Variants in LHFPL3 observed in about 807,000 individuals in gnomAD.
The protein encoded by LHFPL3 is LHFPL tetraspan subfamily member 3 protein.
Under a neutral mutation model 19.3 loss-of-function variants are expected in LHFPL3, and 5 were observed. That is an observed-to-expected ratio of 0.26 (90% CI 0.14 to 0.54). The LOEUF (loss-of-function observed/expected upper bound fraction) is 0.54, where lower values mean the gene tolerates loss of function less well. Ranked by LOEUF, LHFPL3 falls within the 20% of genes least tolerant of loss-of-function variation. LHFPL3 has a pLI of 0.94. For synonymous variants in LHFPL3, 133 were observed against 126.2 expected (o/e 1.05, Z -0.36); for missense variants, 249 against 307.4 (o/e 0.81, Z 1.42).
chr7:104,483,828 G>A (rs1033476047), intron 1 of LHFPL3, among the ~76,000 whole-genome samples: 6 of 152,010 alleles, frequency 3.9e-5, no homozygotes, highest in Non-Finnish European at 5.9e-5. Flanking sequence ...GTCTCACTAT[G>A]TTACTCAGGC....
At chr7:104,860,394 T>C (rs1359423904) in intron 2 of LHFPL3, among the ~76,000 whole-genome samples, 6 of 152,200 alleles carry the variant, frequency 3.9e-5, no homozygotes, top group Non-Finnish European at 7.3e-5. Context: ...GCTGAGTCTC[T>C]GTTTATCAAA....
intron 1 of LHFPL3, among the ~76,000 whole-genome samples, chr7:104,625,451 C>G (rs1490594136): frequency 6.6e-6 from 1 of 152,136 alleles, no homozygotes; most frequent in Non-Finnish European, 1.5e-5. Flanking sequence ...TGGGCACAAG[C>G]CCAGCAGCAG....
chr7:104,600,667 A>G (rs1283409970), intron 1 of LHFPL3, among the ~76,000 whole-genome samples: 1 of 152,230 alleles, frequency 6.6e-6, no homozygotes, highest in East Asian at 1.9e-4. Context: ...AGACAGAGTT[A>G]GTCACTGAGG....
chr7:104,614,653 C>CTTCCCTCCTTCCTTCCTTCCT (rs1554415305), intron 1 of LHFPL3, among the ~76,000 whole-genome samples: 1 of 51,436 alleles, frequency 1.9e-5, no homozygotes, highest in African/African-American at 6.0e-5. Context: ...CTTCTCTTCT[C>CTTCCCTCCTTCCTTCCTTCCT]TCCTTCCTTC....
chr7:104,871,616 TAACACTTAGTGTAA>T (rs1409684346), intron 2 of LHFPL3, among the ~76,000 whole-genome samples: 3 of 152,214 alleles, frequency 2.0e-5, no homozygotes, highest in Non-Finnish European at 2.9e-5. Context: ...TCTTTTAGAA[TAACACTTAGTGTAA>T]AACACACACA....
intron 2 of LHFPL3, among the ~76,000 whole-genome samples, chr7:104,829,576 T>C (rs539757478): frequency 6.6e-5 from 10 of 151,292 alleles, no homozygotes; most frequent in South Asian, 6.3e-4. Flanking sequence ...TGAGAACATG[T>C]GGTGTTTGGT....
At chr7:104,642,224 G>A (rs927237247) in intron 1 of LHFPL3, among the ~76,000 whole-genome samples, 1 of 151,870 alleles carries the variant, frequency 6.6e-6, no homozygotes, top group Admixed American at 6.6e-5. Flanking sequence ...TTTTAGTAGA[G>A]ACAGGGTTTC....
chr7:104,490,876 T>C (rs1033483343), intron 1 of LHFPL3, among the ~76,000 whole-genome samples: 5 of 152,192 alleles, frequency 3.3e-5, no homozygotes, highest in African/African-American at 1.2e-4. Context: ...ACCTCTTTTT[T>C]TCGTAAAGCC....
intron 2 of LHFPL3, among the ~76,000 whole-genome samples, chr7:104,878,098 G>T (rs1791983098): frequency 6.6e-6 from 1 of 152,096 alleles, no homozygotes; most frequent in African/African-American, 2.4e-5. Flanking sequence ...GCCTCCCAAA[G>T]TGCTAGGATT....
chr7:104,867,968 C>A (rs574608814), intron 2 of LHFPL3, among the ~76,000 whole-genome samples: 3 of 151,990 alleles, frequency 2.0e-5, no homozygotes, highest in Non-Finnish European at 2.9e-5. Flanking sequence ...ACAGAACCAA[C>A]GACAAAAACC....
At chr7:104,769,853 T>TA (rs66697752) in intron 2 of LHFPL3, among the ~76,000 whole-genome samples, 1 of 151,898 alleles carries the variant, frequency 6.6e-6, no homozygotes, top group African/African-American at 2.4e-5. Context: ...TATGCAGCCA[T>TA]AAAAAAAGGA....
intron 1 of LHFPL3, among the ~76,000 whole-genome samples, chr7:104,446,094 G>T (rs1792325665): frequency 6.6e-6 from 1 of 152,082 alleles, no homozygotes; most frequent in Non-Finnish European, 1.5e-5. Flanking sequence ...TTCTAGGTCA[G>T]TTTCTATGAA....
chr7:104,551,520 C>A (rs1562931959), intron 1 of LHFPL3, among the ~76,000 whole-genome samples: 1 of 152,060 alleles, frequency 6.6e-6, no homozygotes, highest in Non-Finnish European at 1.5e-5. Flanking sequence ...CTTCTGTGGA[C>A]TGACTTTGAG....
At chr7:104,500,128 A>C (rs1187688951) in intron 1 of LHFPL3, among the ~76,000 whole-genome samples, 4 of 152,192 alleles carry the variant, frequency 2.6e-5, no homozygotes, top group Non-Finnish European at 5.9e-5. Context: ...GTAGATATTG[A>C]AGCCTCAGAG....
At chr7:104,365,125 C>A (rs776187151) in intron 1 of LHFPL3, among the ~76,000 whole-genome samples, 26 of 152,136 alleles carry the variant, frequency 1.7e-4, no homozygotes, top group Middle Eastern at 3.4e-3. Flanking sequence ...CATGGAGAAA[C>A]CTTGTCTCTA....
chr7:104,434,484 C>A (rs1792063092), intron 1 of LHFPL3, among the ~76,000 whole-genome samples: 1 of 152,206 alleles, frequency 6.6e-6, no homozygotes, highest in South Asian at 2.1e-4. Context: ...AGAATCACTT[C>A]ATGATTAATG....
intron 1 of LHFPL3, among the ~76,000 whole-genome samples, chr7:104,351,242 A>G (rs1256493515): frequency 1.3e-5 from 2 of 152,156 alleles, no homozygotes; most frequent in African/African-American, 4.8e-5. Flanking sequence ...CTTCTCTTCC[A>G]GATCATCATA....
At chr7:104,335,566 C>G (rs1373814532) in intron 1 of LHFPL3, among the ~76,000 whole-genome samples, 2 of 152,048 alleles carry the variant, frequency 1.3e-5, no homozygotes, top group Non-Finnish European at 2.9e-5. Flanking sequence ...AATAACCGGT[C>G]CCATATAACC....
At chr7:104,407,705 T>A (rs1309694967) in intron 1 of LHFPL3, among the ~76,000 whole-genome samples, 2 of 152,232 alleles carry the variant, frequency 1.3e-5, no homozygotes, top group Non-Finnish European at 2.9e-5. Context: ...GAATGTGACC[T>A]GTGACTTGAA....
Sources: gnomAD v4.1 joint callset for allele counts (sites outside exome capture counted in the v4.1 genomes callset) on GRCh38, gnomAD v4.1.1 for gene constraint, MANE v1.5 for transcripts, NCBI Gene and HGNC (gene_info 2026-07-23, HGNC 2026-07-21) for gene names.